The following ARIH2 variants were observed in gnomAD, a reference collection of about 807,000 sequenced individuals.
ARIH2 encodes E3 ubiquitin-protein ligase ARIH2.
A neutral mutation model predicts 79.8 loss-of-function variants in ARIH2; 12 were observed. The ratio of observed to expected loss-of-function variants is 0.15; its 90% CI spans 0.10 to 0.24. ARIH2 has a LOEUF of 0.24. Ranked by LOEUF, ARIH2 falls within the 10% of genes least tolerant of loss-of-function variation. The pLI, the probability that ARIH2 is intolerant of heterozygous loss-of-function variation, is 1.00. For synonymous variants in ARIH2, 224 were observed against 213.9 expected (o/e 1.05, Z -0.41); for missense variants, 301 against 618.3 (o/e 0.49, Z 5.44).
rs567321070 is a variant in ARIH2 at position 48,932,789 on chromosome 3, G to T, written c.255+4976G>T. Among the ~76,000 whole-genome samples the T allele has an allele frequency of 2.8e-4, 42 of 152,262 alleles. 1 individual carries two copies. Among genetic ancestry groups the T allele is most frequent in the Admixed American group, 2.3e-3 (35 of 15,292 alleles). ...GGGACCCACCCCATTGCTTCAGGAG[G>T]GGAAAGAAATAGGCCACTTTGAGCT... On this transcript the variant is annotated intron_variant, in intron 3 of 15. Coordinates refer to ENST00000356401, the MANE Select transcript of ARIH2 (RefSeq NM_006321.4).
At position 48,981,715 on chromosome 3, in the gene ARIH2, C is replaced by G; in HGVS notation, c.1313C>G (p.Pro438Arg). ...TATGCATATTACATGGAGTCCGGAC[C>G]CAGGAAGAAGCTGGTAAGGCAAAGC... Reference protein sequence around the residue: ...YPYAYYMESGPRKKLFEYQQA... With the variant: ...YPYAYYMESGRRKKLFEYQQA... The change falls in exon 14 of 16, where the codon CCC (proline) becomes CGC (arginine). Residue 438 changes from proline to arginine, a missense_variant. Transcript: ENST00000356401. The G allele has an allele frequency of 1.2e-6, 2 of 1,613,690 alleles. No individual in the cohort carries two copies. Among genetic ancestry groups the G allele is most frequent in the Non-Finnish European group, 1.7e-6 (2 of 1,179,780 alleles).
intron 3 of ARIH2, among the ~76,000 whole-genome samples, chr3:48,949,529 T>G (rs897410985): frequency 6.6e-6 from 1 of 152,270 alleles, no homozygotes; most frequent in Non-Finnish European, 1.5e-5. Flanking sequence ...ATTTTAGGTC[T>G]TCTGGATTAT....
intron 1 of ARIH2, among the ~76,000 whole-genome samples, chr3:48,919,888 A>C (rs1423064978): frequency 6.6e-6 from 1 of 152,166 alleles, no homozygotes. Context: ...AGACTCACTA[A>C]AACTTACGTG....
chr3:48,941,597 T>TC lies in ARIH2; in HGVS notation c.255+13784_255+13785insC, dbSNP rs1165723323. Among the ~76,000 whole-genome samples the TC allele has an allele frequency of 2.7e-5, 4 of 149,966 alleles. No homozygotes were observed. The South Asian group carries it at 6.3e-4, about 24-fold the overall frequency. The stretch of plus-strand genomic sequence containing the variant: ...TATTGATTTTTCTTTTCTTTTCTTT[T>TC]TTTTTTTTTTTTGGAGATGGAGTCT... On this transcript the variant is annotated intron_variant, in intron 3 of 15. Transcript: ENST00000356401.
chr3:48,919,065 G>A (rs548743370), intron 1 of ARIH2, 67 bp downstream of exon 1: 2 of 1,305,052 alleles, frequency 1.5e-6, no homozygotes, highest in Admixed American at 3.9e-5. Flanking sequence ...CTCTCCGCGC[G>A]CCTCCCTGGC....
Position 48,939,768 on chromosome 3 carries a change from A to C in ARIH2, c.255+11955A>C, listed in dbSNP as rs548871871. 6.2e-3 allele frequency among the ~76,000 whole-genome samples: 931 copies of C among 150,094 alleles called. 15 individuals carry two copies. Among genetic ancestry groups the C allele is most frequent in the African/African-American group, 0.022 (873 of 40,524 alleles). ...GCAAGACTCCATCTCAAAAAAAAAA[A>C]AAAAAAAACAAAAACAAAAAAACAA... On this transcript the variant is annotated intron_variant, in intron 3 of 15. Coordinates refer to ENST00000356401, the MANE Select transcript of ARIH2 (RefSeq NM_006321.4).
In ARIH2 at chr3:48,985,762, G is replaced by A. The variant is rs1224925336; in HGVS notation, c.*2492G>A. On this transcript the variant is annotated 3_prime_UTR_variant, in exon 16 of 16. Coordinates refer to ENST00000356401, the MANE Select transcript of ARIH2 (RefSeq NM_006321.4). ...TGGAATGAAGTAGAAAATCCTGCCA[G>A]TTTTCCGCTCTCCTCTCCCTCAGTA... 1 of 152,162 alleles carries A rather than the reference G, an allele frequency of 6.6e-6. No individual in the cohort carries two copies. The highest frequency in any genetic ancestry group is 1.9e-4 in the East Asian group (1 of 5,194). The allele number at this position is 152,162 out of a possible 1,614,324, so 9.4% of individuals were successfully genotyped here. A position where few individuals can be genotyped will look rare whatever the true frequency, so the allele number is the denominator to read the frequency against.
intron 3 of ARIH2, among the ~76,000 whole-genome samples, chr3:48,960,539 G>A (rs1268473728): frequency 2.0e-5 from 3 of 152,036 alleles, no homozygotes; most frequent in East Asian, 1.9e-4. Flanking sequence ...CAAGGCAGGC[G>A]GATCACCTGA....
At position 48,982,971 on chromosome 3, in the gene ARIH2, G is replaced by A; in HGVS notation, c.1402G>A (p.Asp468Asn). 6.2e-7 allele frequency: 1 copy of A among 1,614,158 alleles called. No individual in the cohort carries two copies. The highest frequency in any genetic ancestry group is 8.5e-7 in the Non-Finnish European group (1 of 1,179,996). Residue 468 changes from aspartate (D) to asparagine (N), a missense_variant, in exon 15 of 16, where the codon GAC (aspartate) becomes AAC (asparagine). By Grantham distance (23) the Asp-to-Asn change is conservative. This residue lies in a region of ARIH2 where 78 missense variants were observed against 268.9 expected (regional missense o/e 0.29). Coordinates refer to ENST00000356401, the MANE Select transcript of ARIH2 (RefSeq NM_006321.4). ...SWKVERADSY[D>N]RGDLENQMHI... The stretch of plus-strand genomic sequence containing the variant: ...GAAAGTGGAGCGTGCAGACAGCTAT[G>A]ACAGAGGGGTAAGTGCCTACTGTCC...
chr3:48,937,132 A>G (rs543556610), intron 3 of ARIH2, among the ~76,000 whole-genome samples: 1 of 152,270 alleles, frequency 6.6e-6, no homozygotes, highest in South Asian at 2.1e-4. Context: ...AGATTTTAAA[A>G]GGAAAACAGA....
chr3:48,981,671 C>T lies in ARIH2; in HGVS notation c.1269C>T (p.Thr423=), dbSNP rs977028002. 6 of 1,613,350 alleles carry T rather than the reference C, an allele frequency of 3.7e-6. No homozygotes were observed. In the African/African-American group the frequency reaches 8.0e-5, roughly 22 times the overall value. ...AAKLLAKCRY[T]LQYTYPYAYY... ...CTCTCCTGTTGCAGTGTCGATACAC[C>T]CTGCAATACACCTACCCATATGCAT... The change falls in exon 14 of 16, where the codon ACC becomes ACT. Residue 423 remains threonine (T), a synonymous_variant. Transcript: ENST00000356401.
At chr3:48,955,942 G>A (rs999517189) in intron 3 of ARIH2, among the ~76,000 whole-genome samples, 1 of 152,068 alleles carries the variant, frequency 6.6e-6, no homozygotes, top group Non-Finnish European at 1.5e-5. Flanking sequence ...TCTCTGTGCT[G>A]CTTTTGCTCA....
chr3:48,933,599 G>C (rs1431327204), intron 3 of ARIH2, among the ~76,000 whole-genome samples: 1 of 147,770 alleles, frequency 6.8e-6, no homozygotes, highest in Admixed American at 6.8e-5. Flanking sequence ...ACCCAGGCTG[G>C]AGTGCAGTGG....
intron 3 of ARIH2, among the ~76,000 whole-genome samples, chr3:48,954,639 A>G (rs1008989349): frequency 2.6e-5 from 4 of 152,032 alleles, no homozygotes; most frequent in Admixed American, 1.3e-4. Context: ...AGATTCCACC[A>G]TCTTAGGGTT....
intron 15 of ARIH2, 109 bp from the exon 16 acceptor site, chr3:48,983,089 AG>A: frequency 1.3e-6 from 2 of 1,501,344 alleles, no homozygotes; most frequent in Non-Finnish European, 1.9e-6. Flanking sequence ...AAGAATGGGA[AG>A]GGCAGTGTTT....
Position 48,974,798 on chromosome 3 carries a change from C to T in ARIH2, c.889-19C>T, listed in dbSNP as rs1396128560. ...ACCTGGTGGTGTGTGAGCCTAATGG[C>T]ACCCTTCTGTCTCCTCAGTGTCCCA... On this transcript the variant is annotated intron_variant, in intron 9 of 15. Transcript: ENST00000356401. 2.5e-6 allele frequency: 4 copies of T among 1,612,276 alleles called. No homozygotes were observed. Among genetic ancestry groups the T allele is most frequent in the Admixed American group, 3.3e-5 (2 of 60,000 alleles).
At chr3:48,978,807 CA>C (rs756575817) in intron 11 of ARIH2, among the ~76,000 whole-genome samples, 7 of 151,462 alleles carry the variant, frequency 4.6e-5, no homozygotes, top group Non-Finnish European at 1.0e-4. Flanking sequence ...ACTAAAAATA[CA>C]AAAATTAGCC....
chr3:48,944,981 G>A (rs140717953), intron 3 of ARIH2: 2 of 507,346 alleles, frequency 3.9e-6, no homozygotes, highest in East Asian at 1.4e-4. Flanking sequence ...CTGCTTTTTA[G>A]TGAGTGACCA....
intron 3 of ARIH2, among the ~76,000 whole-genome samples, chr3:48,960,887 T>C (rs1210122705): frequency 6.6e-6 from 1 of 152,246 alleles, no homozygotes; most frequent in Non-Finnish European, 1.5e-5. Context: ...AGGTTATTTC[T>C]AATTTTTTAC....
Sources: allele counts gnomAD v4.1 joint callset (sites outside exome capture counted in the v4.1 genomes callset), GRCh38; gene constraint gnomAD v4.1.1; regional missense constraint gnomAD v4.1.1; transcripts MANE v1.5; gene names NCBI Gene and HGNC (gene_info 2026-07-23, HGNC 2026-07-21).